The following CLNK variants were observed in gnomAD, a reference collection of about 807,000 sequenced individuals.
CLNK encodes the protein cytokine dependent hematopoietic cell linker, also known as cytokine-dependent hematopoietic cell linker.
In CLNK, 74 loss-of-function variants were observed where a neutral mutation model predicts 68.6. That is an observed-to-expected ratio of 1.08 (90% CI 0.89 to 1.31). CLNK has a LOEUF of 1.31. Among genes scored for constraint, CLNK ranks in the 50% most tolerant of loss-of-function variants. The probability of loss-of-function intolerance (pLI) is 0.00; values close to 1 mark genes in which losing one functional copy is unlikely to be tolerated. For missense variants in CLNK, 553 were observed against 515.3 expected, an observed-to-expected ratio of 1.07 and a Z score of -0.71; for synonymous variants, 198 against 172.2, an observed-to-expected ratio of 1.15 and a Z score of -1.17.
intron 18 of CLNK, among the ~76,000 whole-genome samples, chr4:10,496,892 G>A (rs76057304): frequency 0.046 from 6,980 of 152,288 alleles, 260 homozygotes; most frequent in Non-Finnish European, 0.072. Context: ...CTTTAAGGGT[G>A]CTCTTGAGCC....
chr4:10,677,205 G>T (rs1374537802), intron 1 of CLNK, among the ~76,000 whole-genome samples: 1 of 152,114 alleles, frequency 6.6e-6, no homozygotes, highest in Non-Finnish European at 1.5e-5. Flanking sequence ...TTACAGGTTG[G>T]CCCTGCGGTG....
At chr4:10,576,964 C>T (rs1720591551) in intron 4 of CLNK, among the ~76,000 whole-genome samples, 3 of 152,186 alleles carry the variant, frequency 2.0e-5, no homozygotes, top group Non-Finnish European at 2.9e-5. Context: ...AGTGGCTTTG[C>T]AGGGACAGGG....
intron 2 of CLNK, among the ~76,000 whole-genome samples, chr4:10,663,187 G>C (rs1414552584): frequency 6.6e-6 from 1 of 152,180 alleles, no homozygotes; most frequent in Non-Finnish European, 1.5e-5. Context: ...CGGTGTAATG[G>C]GGCCGCTAGT....
Position 10,516,498 on chromosome 4 carries a change from A to G in CLNK, c.773-2901T>C, listed in dbSNP as rs376423968. Among the ~76,000 whole-genome samples the G allele has an allele frequency of 1.7e-4, 26 of 152,152 alleles. No homozygotes were observed. The East Asian group carries it at 4.6e-3, about 27-fold the overall frequency. ...TTTATCTCTAAGTTTACTAAGAAGA[A>G]CACTACTTCTGATACACTGGCAATT... On this transcript the variant is annotated intron_variant, in intron 15 of 18. Coordinates refer to ENST00000226951, the MANE Select transcript of CLNK (RefSeq NM_052964.4).
chr4:10,571,723 G>C lies in CLNK; in HGVS notation c.150+18C>G, dbSNP rs560226835. On this transcript the variant is annotated intron_variant, in intron 5 of 18. Coordinates refer to ENST00000226951, the MANE Select transcript of CLNK (RefSeq NM_052964.4). ...TATTAAAGACGTATAAAATAGATAA[G>C]GGAAGCAGCTGACTTACCCAGTCTA... is the stretch of plus-strand genomic sequence containing the variant. 7 of 1,601,856 alleles carry C rather than the reference G, an allele frequency of 4.4e-6. No homozygotes were observed. The South Asian group carries it at 7.7e-5, about 18-fold the overall frequency.
chr4:10,501,056 G>A (rs1450191276), intron 18 of CLNK, among the ~76,000 whole-genome samples, 200 bp downstream of exon 18: 1 of 152,242 alleles, frequency 6.6e-6, no homozygotes, highest in Non-Finnish European at 1.5e-5. Context: ...GAATGGGGGT[G>A]CATGAAATGG....
chr4:10,633,029 C>T (rs1722949668), intron 2 of CLNK, among the ~76,000 whole-genome samples: 1 of 152,164 alleles, frequency 6.6e-6, no homozygotes, highest in Admixed American at 6.5e-5. Flanking sequence ...CTTCTGCCTC[C>T]TGGGTTCAAG....
At chr4:10,615,299 G>A (rs1170992076) in intron 2 of CLNK, among the ~76,000 whole-genome samples, 4 of 152,192 alleles carry the variant, frequency 2.6e-5, no homozygotes, top group African/African-American at 7.2e-5. Flanking sequence ...GGCCAACATG[G>A]CAAAACCCTG....
chr4:10,692,466 C>T, the CLNK span, among the ~76,000 whole-genome samples: 627 of 152,254 alleles, frequency 4.1e-3, 4 homozygotes, highest in African/African-American at 0.014. Flanking sequence ...TCCTTGAACG[C>T]GAACGCTCTG....
At chr4:10,534,382 T>C (rs1043949067) in intron 11 of CLNK, among the ~76,000 whole-genome samples, 2 of 152,200 alleles carry the variant, frequency 1.3e-5, no homozygotes, top group South Asian at 2.1e-4. Context: ...TTTTTTCCTA[T>C]GCATAAGAGG....
the CLNK span, among the ~76,000 whole-genome samples, chr4:10,728,564 C>T: frequency 1.3e-5 from 2 of 148,816 alleles, no homozygotes; most frequent in Non-Finnish European, 3.0e-5. Context: ...GGTCACTGAT[C>T]TGTGTGTGAT....
intron 12 of CLNK, among the ~76,000 whole-genome samples, chr4:10,530,396 G>A (rs112135910): frequency 2.0e-5 from 3 of 152,308 alleles, no homozygotes; most frequent in African/African-American, 7.2e-5. Flanking sequence ...CTGAGCGCAG[G>A]CACAAGCACA....
chr4:10,633,093 A>G (rs1722952470), intron 2 of CLNK, among the ~76,000 whole-genome samples: 1 of 152,084 alleles, frequency 6.6e-6, no homozygotes, highest in African/African-American at 2.4e-5. Context: ...ATGTGCTACC[A>G]CACTAGGCTA....
chr4:10,594,760 A>AT (rs1277986216), intron 3 of CLNK, among the ~76,000 whole-genome samples: 1 of 152,196 alleles, frequency 6.6e-6, no homozygotes, highest in Non-Finnish European at 1.5e-5. Flanking sequence ...AAGAATATAC[A>AT]TATACATACA....
chr4:10,542,355 A>T (rs1419579149), intron 8 of CLNK, 75 bp from the exon 9 acceptor site: 5 of 952,020 alleles, frequency 5.3e-6, no homozygotes, highest in African/African-American at 1.7e-5. Context: ...CGCTTACATG[A>T]AAATCATTTT....
At chr4:10,619,669 G>A (rs997953562) in intron 2 of CLNK, among the ~76,000 whole-genome samples, 1 of 152,164 alleles carries the variant, frequency 6.6e-6, no homozygotes, top group Middle Eastern at 3.2e-3. Context: ...GAATGGGTTG[G>A]AATAGATCTC....
chr4:10,657,101 G>T (rs537120093), intron 2 of CLNK, among the ~76,000 whole-genome samples: 9 of 152,246 alleles, frequency 5.9e-5, no homozygotes, highest in South Asian at 4.1e-4. Flanking sequence ...GACAAAACAG[G>T]TACTGAGACT....
chr4:10,555,109 A>ATAAAGG (rs1719612307), intron 8 of CLNK, among the ~76,000 whole-genome samples: 1 of 152,236 alleles, frequency 6.6e-6, no homozygotes, highest in South Asian at 2.1e-4. Flanking sequence ...GCAAACTAGT[A>ATAAAGG]TAAAGGTCTT....
intron 11 of CLNK, among the ~76,000 whole-genome samples, chr4:10,537,499 A>G (rs59453174): frequency 0.07 from 10,650 of 151,930 alleles, 668 homozygotes; most frequent in East Asian, 0.18. Flanking sequence ...TACAGCCTCT[A>G]TTTCTAGAAA....
Sources: allele counts gnomAD v4.1 joint callset (sites outside exome capture counted in the v4.1 genomes callset), GRCh38; gene constraint gnomAD v4.1.1; transcripts MANE v1.5; gene names NCBI Gene and HGNC (gene_info 2026-07-23, HGNC 2026-07-21).